Variants in RAD52 observed in about 807,000 individuals in gnomAD.
RAD52 encodes DNA repair protein RAD52 homolog.
Under a neutral mutation model 55.5 loss-of-function variants are expected in RAD52, and 47 were observed. The observed-to-expected ratio is 0.85, with a 90% CI of 0.67 to 1.08. The LOEUF (loss-of-function observed/expected upper bound fraction) is 1.08, where lower values mean the gene tolerates loss of function less well. Among genes scored for constraint, RAD52 ranks in the 50% least tolerant of loss-of-function variants. The pLI is 0.00. For synonymous variants in RAD52, 184 were observed against 198.9 expected (o/e 0.92, Z 0.63); for missense variants, 468 against 522.8 (o/e 0.90, Z 1.02).
intron 1 of RAD52, among the ~76,000 whole-genome samples, chr12:983,956 A>G (rs1565716956): frequency 1.3e-5 from 2 of 152,224 alleles, no homozygotes; most frequent in South Asian, 2.1e-4. Context: ...ATGGATGCAC[A>G]TAAGTTTTAA....
chr12:930,487 C>G lies in RAD52; in HGVS notation c.187-343G>C, dbSNP rs1243707913. Among the ~76,000 whole-genome samples, 4 of 152,182 alleles carry G rather than the reference C, an allele frequency of 2.6e-5. No individual in the cohort carries two copies. In the East Asian group the frequency reaches 7.7e-4, roughly 29 times the overall value. ...CTGTTGGGAGGAGGAACTCACCCAG[C>G]AGTTGCTAAAATTCAGTTTGCAAAA... On this transcript the variant is annotated intron_variant, in intron 3 of 11. Transcript: ENST00000358495.
At chr12:936,411 T>TTTTTTTTTTTTTTTG (rs1957631984) in intron 1 of RAD52, among the ~76,000 whole-genome samples, 1 of 151,478 alleles carries the variant, frequency 6.6e-6, no homozygotes, top group African/African-American at 2.4e-5. Flanking sequence ...TTTGCTCTTT[T>TTTTTTTTTTTTTTTG]ACTTTGAAAA....
Position 947,779 on chromosome 12 carries a change from C to A in RAD52, c.-19+1823G>T, listed in dbSNP as rs1257585604. Reference sequence around the variant, plus strand: ...GGCATGCGCCTGTAAGCCCAGTTACCGAGGAGGCTGAGATAGGAGAAGCGC... The same window carrying A: ...GGCATGCGCCTGTAAGCCCAGTTACAGAGGAGGCTGAGATAGGAGAAGCGC... On this transcript the variant is annotated intron_variant, in intron 1 of 11. Coordinates refer to ENST00000358495, the MANE Select transcript of RAD52 (RefSeq NM_134424.4). Among the ~76,000 whole-genome samples the A allele has an allele frequency of 2.0e-5, 3 of 150,764 alleles. No individual in the cohort carries two copies. In the East Asian group the frequency reaches 5.9e-4, roughly 30 times the overall value.
At chr12:959,733 A>AT (rs1433422822) in intron 1 of RAD52, among the ~76,000 whole-genome samples, 2 of 152,164 alleles carry the variant, frequency 1.3e-5, no homozygotes, top group African/African-American at 4.8e-5. Flanking sequence ...CAAAGACAAC[A>AT]TATTTGATTG....
At chr12:973,981 C>T (rs1030673250) in intron 1 of RAD52, among the ~76,000 whole-genome samples, 1 of 151,800 alleles carries the variant, frequency 6.6e-6, no homozygotes, top group Non-Finnish European at 1.5e-5. Flanking sequence ...TGGATTCTTG[C>T]CATATTGCCC....
At chr12:913,559 G>T in intron 11 of RAD52, 107 bp from the exon 12 acceptor site, 1 of 949,168 alleles carries the variant, frequency 1.1e-6, no homozygotes, top group Non-Finnish European at 1.6e-6. Flanking sequence ...CTAAGCCCAA[G>T]AATGAGAATT....
intron 1 of RAD52, among the ~76,000 whole-genome samples, chr12:961,661 G>C (rs993426031): frequency 2.0e-5 from 3 of 151,946 alleles, no homozygotes; most frequent in African/African-American, 7.3e-5. Flanking sequence ...AGGAGTTCGA[G>C]ACCAGCATGG....
chr12:932,821 GTACTAGGTAAACGTACTAGGTACTGCT>G (rs1565673070), intron 2 of RAD52, among the ~76,000 whole-genome samples, 127 bp downstream of exon 2: 3 of 66,778 alleles, frequency 4.5e-5, no homozygotes, highest in Non-Finnish European at 8.3e-5. Flanking sequence ...GCTCACACAC[GTACTAGGTAAACGTACTAGGTACTGCT>G]CACACACGTA....
chr12:938,562 T>C (rs1360264754), intron 1 of RAD52, among the ~76,000 whole-genome samples: 1 of 152,120 alleles, frequency 6.6e-6, no homozygotes, highest in African/African-American at 2.4e-5. Flanking sequence ...CACACACCTG[T>C]AGTCCCAGCA....
In RAD52 at chr12:933,837, A is replaced by C. The variant is rs143137293; in HGVS notation, c.-18-761T>G. Among the ~76,000 whole-genome samples the C allele has an allele frequency of 4.7e-3, 713 of 152,252 alleles. 6 individuals carry two copies. Among genetic ancestry groups the C allele is most frequent in the African/African-American group, 0.016 (674 of 41,566 alleles). ...GATGTGTTATAGTCAAAACACAGGTAATGGCCAGGCATGGTGGCTCAAACC... is the reference window on the plus strand; with the variant it reads ...GATGTGTTATAGTCAAAACACAGGTCATGGCCAGGCATGGTGGCTCAAACC... On this transcript the variant is annotated intron_variant, in intron 1 of 11. Transcript: ENST00000358495.
intron 1 of RAD52, chr12:974,084 C>T (rs1958905511): frequency 6.6e-6 from 1 of 152,134 alleles, no homozygotes. Context: ...AGTAACCGGA[C>T]AAATAGAGCT....
chr12:969,478 A>G (rs757472722), intron 1 of RAD52, among the ~76,000 whole-genome samples: 1 of 152,020 alleles, frequency 6.6e-6, no homozygotes, highest in East Asian at 1.9e-4. Flanking sequence ...ACATTTGACC[A>G]TAGTTGTTCT....
rs766452005 is a variant in RAD52 at position 916,465 on chromosome 12, G to A, written c.744C>T (p.Ala248=). ...GCTGGTGCGTGGCCTCGCTCTCCAC[G>A]GCGGATGAGCTCAGGCTTCTGCATG... ...DCSSRSLSSS[A]VESEATHQRK... is the part of the protein sequence containing the mutation. Residue 248 remains alanine, a synonymous_variant, in exon 9 of 12, where the codon GCC becomes GCT. Coordinates refer to ENST00000358495, the MANE Select transcript of RAD52 (RefSeq NM_134424.4). 1.9e-6 allele frequency: 3 copies of A among 1,607,500 alleles called. No individual in the cohort carries two copies. Among genetic ancestry groups the A allele is most frequent in the Non-Finnish European group, 1.7e-6 (2 of 1,179,470 alleles).
chr12:964,765 T>C (rs747075938), intron 1 of RAD52, among the ~76,000 whole-genome samples: 2 of 151,950 alleles, frequency 1.3e-5, no homozygotes, highest in South Asian at 4.1e-4. Flanking sequence ...TTTATAGAAA[T>C]GATGTCTCCT....
chr12:947,044 CAG>C (rs1425411382), intron 1 of RAD52, among the ~76,000 whole-genome samples: 1 of 152,174 alleles, frequency 6.6e-6, no homozygotes, highest in African/African-American at 2.4e-5. Flanking sequence ...AAAACACTCC[CAG>C]AGGGGCGCAG....
chr12:971,131 G>C (rs1043317089), intron 1 of RAD52, among the ~76,000 whole-genome samples: 5 of 152,156 alleles, frequency 3.3e-5, no homozygotes, highest in African/African-American at 1.2e-4. Flanking sequence ...CCTTTGGTTG[G>C]AGAAGAAAAG....
intron 5 of RAD52, 74 bp from the exon 6 acceptor site, chr12:927,337 A>G: frequency 1.8e-6 from 2 of 1,124,018 alleles, no homozygotes; most frequent in Non-Finnish European, 2.7e-6. Context: ...TTCCTCAAGC[A>G]GCAGGGTTCA....
chr12:913,522 G>A, intron 11 of RAD52, 70 bp from the exon 12 acceptor site: 2 of 1,138,512 alleles, frequency 1.8e-6, no homozygotes, highest in Non-Finnish European at 2.6e-6. Context: ...AATGATTTCT[G>A]GATTATATTA....
intron 1 of RAD52, among the ~76,000 whole-genome samples, chr12:969,996 A>G (rs1249058278): frequency 6.6e-6 from 1 of 151,932 alleles, no homozygotes; most frequent in Non-Finnish European, 1.5e-5. Context: ...GTCTTCATAT[A>G]TCCCACTCCA....
Sources: gnomAD v4.1 joint callset for allele counts (sites outside exome capture counted in the v4.1 genomes callset) on GRCh38, gnomAD v4.1.1 for gene constraint, MANE v1.5 for transcripts, NCBI Gene and HGNC (gene_info 2026-07-23, HGNC 2026-07-21) for gene names.